EPB41L5: variants seen among roughly 807,000 people sequenced by gnomAD.
EPB41L5 encodes band 4.1-like protein 5.
A neutral mutation model predicts 106.6 loss-of-function variants in EPB41L5; 55 were observed. The observed-to-expected ratio is 0.52, with a 90% CI of 0.42 to 0.65. EPB41L5 has a LOEUF of 0.65. Ranked by LOEUF, EPB41L5 falls within the 30% of genes least tolerant of loss-of-function variation. The pLI is 0.00. For missense variants in EPB41L5, 871 were observed against 882.1 expected, an observed-to-expected ratio of 0.99 and a Z score of 0.16; for synonymous variants, 297 against 306.7, an observed-to-expected ratio of 0.97 and a Z score of 0.33.
chr2:120,157,465 CAAA>C (rs1178464918), intron 20 of EPB41L5, among the ~76,000 whole-genome samples: 1 of 151,240 alleles, frequency 6.6e-6, no homozygotes, highest in Non-Finnish European at 1.5e-5. Flanking sequence ...GATCAAGACA[CAAA>C]AAAACACTCA....
rs574906851 is a variant in EPB41L5, at chr2:120,093,285, T to A, written c.1178+9T>A. ...AAACCTGAAGAACTTAGGTAAGTAA[T>A]GTTTTGCAACTTAGGAATTGGTATA... On this transcript the variant is annotated intron_variant, in intron 14 of 24. Coordinates refer to ENST00000263713, the MANE Select transcript of EPB41L5 (RefSeq NM_020909.4). 2 of 1,612,220 alleles carry A rather than the reference T, an allele frequency of 1.2e-6. No homozygotes were observed. Among genetic ancestry groups the A allele is most frequent in the Admixed American group, 1.7e-5 (1 of 60,022 alleles).
At chr2:120,037,879 A>G (rs539433910) in intron 2 of EPB41L5, among the ~76,000 whole-genome samples, 14 of 152,364 alleles carry the variant, frequency 9.2e-5, no homozygotes, top group African/African-American at 3.1e-4. Context: ...CTTATACCAT[A>G]TACAAAAATT....
intron 3 of EPB41L5, among the ~76,000 whole-genome samples, chr2:120,064,933 T>G (rs565715441): frequency 4.2e-4 from 64 of 152,256 alleles, no homozygotes; most frequent in South Asian, 1.0e-3. Flanking sequence ...CAGAAGAACA[T>G]CACCCAGAAC....
intron 16 of EPB41L5, chr2:120,108,560 G>GATA (rs1684581858): frequency 6.6e-6 from 1 of 152,132 alleles, no homozygotes; most frequent in South Asian, 2.1e-4. Context: ...AAAAGGTTAT[G>GATA]ATAATAGGAA....
At chr2:120,113,849 T>G (rs922783048) in intron 16 of EPB41L5, among the ~76,000 whole-genome samples, 4 of 152,240 alleles carry the variant, frequency 2.6e-5, no homozygotes, top group African/African-American at 9.6e-5. Flanking sequence ...TTGATTCCTT[T>G]TAATGGCTTA....
intron 3 of EPB41L5, among the ~76,000 whole-genome samples, chr2:120,069,155 A>T (rs1361395903): frequency 2.2e-5 from 2 of 90,740 alleles, no homozygotes; most frequent in Non-Finnish European, 4.9e-5. Context: ...AAAAAAAAAA[A>T]AAAAAAAAAA....
Position 120,089,338 on chromosome 2 carries a change from C to G in EPB41L5, c.874-1009C>G, listed in dbSNP as rs948203663. Among the ~76,000 whole-genome samples the G allele has an allele frequency of 2.9e-4, 44 of 152,082 alleles. 1 individual carries two copies. Among genetic ancestry groups the G allele is most frequent in the African/African-American group, 9.2e-4 (38 of 41,506 alleles). ...AGTCTAACCCCCTGACTACCTACCC[C>G]CTTTCTTCTGGTACCTGGTCACCAA... On this transcript the variant is annotated intron_variant, in intron 11 of 24. Transcript: ENST00000263713.
At chr2:120,091,018 A>G (rs1482346842) in intron 12 of EPB41L5, among the ~76,000 whole-genome samples, 5 of 152,156 alleles carry the variant, frequency 3.3e-5, no homozygotes, top group African/African-American at 1.2e-4. Flanking sequence ...TTAAAGAAGG[A>G]ATGGATTGTA....
chr2:120,025,925 G>A (rs1678280360), intron 2 of EPB41L5, among the ~76,000 whole-genome samples: 1 of 152,208 alleles, frequency 6.6e-6, no homozygotes, highest in Non-Finnish European at 1.5e-5. Flanking sequence ...ACTGGCACAA[G>A]GATAGACACA....
rs1210053331 is a variant in EPB41L5, at chr2:120,178,689, G to A, written c.*3782G>A. On this transcript the variant is annotated 3_prime_UTR_variant, in exon 25 of 25. Coordinates refer to ENST00000263713, the MANE Select transcript of EPB41L5 (RefSeq NM_020909.4). ...ACATTTGTTTGAATTATAGAAATTT[G>A]CCCTGAGCTGAACTGGGTTGTGTTA... is the stretch of plus-strand genomic sequence containing the variant. The A allele has an allele frequency of 6.6e-6, 1 of 152,218 alleles. No homozygotes were observed. The highest frequency in any genetic ancestry group is 1.9e-4 in the East Asian group (1 of 5,200). 9.4% of individuals were successfully genotyped at this position (152,218 alleles called of 1,614,324 possible).
At chr2:120,167,729 A>G in intron 23 of EPB41L5, 148 bp from the exon 24 acceptor site, 1 of 1,114,652 alleles carries the variant, frequency 9.0e-7, no homozygotes, top group Non-Finnish European at 1.3e-6. Context: ...CAGATGAAGA[A>G]TAGTTAAGAA....
chr2:120,016,698 G>A (rs995958879), intron 1 of EPB41L5, among the ~76,000 whole-genome samples: 2 of 151,930 alleles, frequency 1.3e-5, no homozygotes, highest in African/African-American at 4.8e-5. Context: ...GTCTCACTCA[G>A]GTTGGAGTGC....
intron 3 of EPB41L5, among the ~76,000 whole-genome samples, chr2:120,060,192 A>G (rs765999401): frequency 2.0e-5 from 3 of 152,218 alleles, no homozygotes; most frequent in African/African-American, 7.2e-5. Context: ...CTACTCTGGA[A>G]GATAATCTGG....
intron 14 of EPB41L5, 73 bp from the exon 15 acceptor site, chr2:120,100,171 A>G (rs1241033722): frequency 9.3e-6 from 10 of 1,071,922 alleles, no homozygotes; most frequent in Non-Finnish European, 1.4e-5. Context: ...TTATTAGTGT[A>G]TGTGTTATCT....
At chr2:120,102,681 C>A (rs1684219877) in intron 16 of EPB41L5, among the ~76,000 whole-genome samples, 1 of 152,162 alleles carries the variant, frequency 6.6e-6, no homozygotes, top group African/African-American at 2.4e-5. Context: ...AACTTTCAAC[C>A]AATTTAATCT....
In EPB41L5 at chr2:120,034,240, GGCAGAA is replaced by G. The variant is rs559572009; in HGVS notation, c.181-7763_181-7758del. Among the ~76,000 whole-genome samples the G allele has an allele frequency of 4.0e-3, 602 of 152,302 alleles. 4 individuals carry two copies. Among genetic ancestry groups the G allele is most frequent in the African/African-American group, 0.014 (582 of 41,564 alleles). On this transcript the variant is annotated intron_variant, in intron 2 of 24. Transcript: ENST00000263713. ...GTTCTGAGGACGCAGCTGTCTAGCT[GGCAGAA>G]GCCCATTCTTTCTCACCTTAGAACA...
At chr2:120,123,689 C>T (rs1404776221) in intron 16 of EPB41L5, among the ~76,000 whole-genome samples, 3 of 121,490 alleles carry the variant, frequency 2.5e-5, no homozygotes, top group Non-Finnish European at 3.3e-5. Flanking sequence ...CAGGGTCTCA[C>T]TCCTGTTGCC....
chr2:120,089,290 C>T (rs1558864828), intron 11 of EPB41L5, among the ~76,000 whole-genome samples: 1 of 152,042 alleles, frequency 6.6e-6, no homozygotes, highest in South Asian at 2.1e-4. Context: ...CAATTATGTG[C>T]ATGAATAAAT....
chr2:120,095,144 T>C (rs181638744), intron 14 of EPB41L5, among the ~76,000 whole-genome samples: 1 of 152,308 alleles, frequency 6.6e-6, no homozygotes, highest in East Asian at 1.9e-4. Flanking sequence ...TCTACAACTA[T>C]TGTCTATTTC....
Sources: allele counts gnomAD v4.1 joint callset (sites outside exome capture counted in the v4.1 genomes callset), GRCh38; gene constraint gnomAD v4.1.1; transcripts MANE v1.5; gene names NCBI Gene and HGNC (gene_info 2026-07-23, HGNC 2026-07-21).